Variants in ARHGAP24 observed in about 807,000 individuals in gnomAD.
The protein encoded by ARHGAP24 is Rho GTPase activating protein 24.
ARHGAP24 carries 50 observed loss-of-function variants against 76.4 expected under a neutral mutation model. The observed-to-expected ratio is 0.65, with a 90% CI of 0.52 to 0.83. The LOEUF (loss-of-function observed/expected upper bound fraction) is 0.83. Ranked by LOEUF, ARHGAP24 falls within the 40% of genes least tolerant of loss-of-function variation. The pLI, the probability that ARHGAP24 is intolerant of heterozygous loss-of-function variation, is 0.00. For synonymous variants in ARHGAP24, 345 were observed against 323.3 expected, an observed-to-expected ratio of 1.07 and a Z score of -0.72; for missense variants, 930 against 914.2, an observed-to-expected ratio of 1.02 and a Z score of -0.22.
intron 4 of ARHGAP24, among the ~76,000 whole-genome samples, chr4:85,925,562 C>A (rs1458863167): frequency 1.3e-5 from 2 of 152,168 alleles, no homozygotes; most frequent in African/African-American, 4.8e-5. Flanking sequence ...GAAAGAGAGA[C>A]CATGTTCACA....
intron 3 of ARHGAP24, among the ~76,000 whole-genome samples, chr4:85,780,421 C>G (rs189103905): frequency 2.5e-4 from 38 of 152,314 alleles, no homozygotes; most frequent in Middle Eastern, 3.4e-3. Flanking sequence ...ATCCACCCAC[C>G]TCGGCCTCCC....
intron 6 of ARHGAP24, among the ~76,000 whole-genome samples, chr4:85,973,854 T>G (rs71217559): frequency 0.011 from 1,585 of 138,272 alleles, 85 homozygotes; most frequent in Non-Finnish European, 0.017. Context: ...TTTTTTTTTT[T>G]TTTTTTGAGA....
chr4:85,785,266 G>T (rs1727777611), intron 3 of ARHGAP24, among the ~76,000 whole-genome samples: 2 of 152,072 alleles, frequency 1.3e-5, no homozygotes, highest in African/African-American at 2.4e-5. Flanking sequence ...TGTTCTGTTT[G>T]TACTAGACAT....
At chr4:85,641,050 A>C (rs1721501995) in intron 2 of ARHGAP24, among the ~76,000 whole-genome samples, 1 of 152,144 alleles carries the variant, frequency 6.6e-6, no homozygotes, top group Admixed American at 6.5e-5. Flanking sequence ...TAACTAAAGA[A>C]ATTTCTTTAA....
At chr4:85,804,518 A>G (rs1054741368) in intron 3 of ARHGAP24, among the ~76,000 whole-genome samples, 1 of 152,196 alleles carries the variant, frequency 6.6e-6, no homozygotes, top group Admixed American at 6.5e-5. Flanking sequence ...AGGTAATACT[A>G]CCAAACAGTA....
intron 2 of ARHGAP24, among the ~76,000 whole-genome samples, chr4:85,665,343 C>T (rs530336594): frequency 0.024 from 3,634 of 152,020 alleles, 135 homozygotes; most frequent in African/African-American, 0.083. Context: ...CAACCCCTGC[C>T]TTTTTTTGTT....
chr4:85,612,081 ATT>A (rs1720401508), intron 2 of ARHGAP24, among the ~76,000 whole-genome samples: 2 of 55,172 alleles, frequency 3.6e-5, no homozygotes, highest in Non-Finnish European at 6.7e-5. Context: ...CTTTCATTAC[ATT>A]ACACACACAC....
chr4:85,846,828 A>T (rs1313114873), intron 3 of ARHGAP24, among the ~76,000 whole-genome samples: 1 of 152,218 alleles, frequency 6.6e-6, no homozygotes, highest in South Asian at 2.1e-4. Context: ...CCCTTCAGTT[A>T]TGGGACCACT....
chr4:85,664,121 G>C (rs1722513735), intron 2 of ARHGAP24, among the ~76,000 whole-genome samples: 1 of 151,372 alleles, frequency 6.6e-6, no homozygotes, highest in Non-Finnish European at 1.5e-5. Flanking sequence ...GTAGAATTCG[G>C]CTGTGAATCC....
At chr4:85,972,897 T>C (rs1383838925) in intron 6 of ARHGAP24, among the ~76,000 whole-genome samples, 1 of 152,336 alleles carries the variant, frequency 6.6e-6, no homozygotes, top group East Asian at 1.9e-4. Flanking sequence ...TTACTCATGT[T>C]GTGCCACTTA....
intron 2 of ARHGAP24, among the ~76,000 whole-genome samples, chr4:85,580,813 A>G (rs181041693): frequency 6.6e-6 from 1 of 152,292 alleles, no homozygotes; most frequent in Non-Finnish European, 1.5e-5. Flanking sequence ...CAGTGATCGT[A>G]TCTGACTGGG....
intron 3 of ARHGAP24, among the ~76,000 whole-genome samples, chr4:85,838,335 C>T (rs11942119): frequency 2.0e-5 from 3 of 152,098 alleles, no homozygotes; most frequent in South Asian, 2.1e-4. Context: ...CGGTGGCTCA[C>T]GCCTGTAATC....
chr4:85,680,567 T>C lies in ARHGAP24; in HGVS notation c.181-41318T>C, dbSNP rs553545208. Among the ~76,000 whole-genome samples, 22 of 152,224 alleles carry C rather than the reference T, an allele frequency of 1.4e-4. No individual in the cohort carries two copies. The South Asian group carries it at 4.6e-3, about 32-fold the overall frequency. On this transcript the variant is annotated intron_variant, in intron 2 of 9. Transcript: ENST00000395184. ...AACTTACAGTATCCTGTTTCTATTA[T>C]GTACCCACATAGCACCTGTAGAGTG...
intron 2 of ARHGAP24, among the ~76,000 whole-genome samples, chr4:85,595,146 A>G (rs1719755782): frequency 6.6e-6 from 1 of 152,112 alleles, no homozygotes; most frequent in African/African-American, 2.4e-5. Flanking sequence ...CCTCCAATCC[A>G]ATAACTCAGT....
At chr4:85,874,865 AT>A (rs1291786404) in intron 3 of ARHGAP24, among the ~76,000 whole-genome samples, 2,305 of 53,786 alleles carry the variant, frequency 0.043, 180 homozygotes, top group African/African-American at 0.065. Flanking sequence ...ATATAAATAT[AT>A]TTTTATATAA....
chr4:85,926,891 T>C (rs1217610302), intron 4 of ARHGAP24, among the ~76,000 whole-genome samples: 1 of 152,196 alleles, frequency 6.6e-6, no homozygotes, highest in Non-Finnish European at 1.5e-5. Context: ...TAGTGTGATC[T>C]ATTACTTCTA....
rs534570549 is a variant in ARHGAP24 at position 85,846,601 on chromosome 4, G to A, written c.269-77047G>A. The stretch of plus-strand genomic sequence containing the variant: ...CAATTAATTCTCACCTAATGGTGAT[G>A]GGGTCATTCTCAGACATCGCATAGT... On this transcript the variant is annotated intron_variant, in intron 3 of 9. Coordinates refer to ENST00000395184, the MANE Select transcript of ARHGAP24 (RefSeq NM_001025616.3). 5.9e-5 allele frequency among the ~76,000 whole-genome samples: 9 copies of A among 152,250 alleles called. No individual in the cohort carries two copies. In the South Asian group the frequency reaches 1.9e-3, roughly 32 times the overall value.
chr4:85,554,837 ATTTTT>A (rs61380938), intron 1 of ARHGAP24, among the ~76,000 whole-genome samples: 82 of 146,110 alleles, frequency 5.6e-4, no homozygotes, highest in Non-Finnish European at 4.5e-4. Context: ...CGCCCAGCTG[ATTTTT>A]TTTTTTTTTT....
intron 2 of ARHGAP24, among the ~76,000 whole-genome samples, chr4:85,618,191 T>C (rs1720600889): frequency 6.6e-6 from 1 of 152,178 alleles, no homozygotes; most frequent in African/African-American, 2.4e-5. Context: ...TATTCTCTAC[T>C]TCTGTGACTT....
Sources: gnomAD v4.1 joint callset for allele counts (sites outside exome capture counted in the v4.1 genomes callset) on GRCh38, gnomAD v4.1.1 for gene constraint, MANE v1.5 for transcripts, NCBI Gene and HGNC (gene_info 2026-07-23, HGNC 2026-07-21) for gene names.